The following ERC1 variants were observed in gnomAD, a reference collection of about 807,000 sequenced individuals.
ERC1 encodes the protein ELKS/RAB6-interacting/CAST family member 1.
Under a neutral mutation model 132.0 loss-of-function variants are expected in ERC1, and 56 were observed. The observed-to-expected ratio is 0.42, with a 90% CI of 0.34 to 0.53. ERC1 has a LOEUF of 0.53. Ranked by LOEUF, ERC1 falls within the 20% of genes least tolerant of loss-of-function variation. The pLI is 0.03. For synonymous variants in ERC1, 478 were observed against 476.1 expected (o/e 1.00, Z -0.05); for missense variants, 1,202 against 1,349.9 (o/e 0.89, Z 1.72).
intron 1 of ERC1, among the ~76,000 whole-genome samples, chr12:1,025,607 T>C (rs919958384): frequency 6.6e-6 from 1 of 152,196 alleles, no homozygotes. Context: ...TTAAAAAATT[T>C]ATATCTTTAA....
chr12:1,480,565 C>T (rs952962681), intron 18 of ERC1, among the ~76,000 whole-genome samples: 3 of 152,054 alleles, frequency 2.0e-5, no homozygotes, highest in Admixed American at 1.3e-4. Context: ...GTAGTCTTAA[C>T]AAGGCAATAA....
chr12:1,334,917 T>C (rs1160614134), intron 15 of ERC1, among the ~76,000 whole-genome samples: 1 of 152,242 alleles, frequency 6.6e-6, no homozygotes, highest in South Asian at 2.1e-4. Context: ...AGCAGTGTTT[T>C]GTAGTTCTTC....
intron 3 of ERC1, among the ~76,000 whole-genome samples, chr12:1,091,166 G>C (rs1943159539): frequency 6.6e-6 from 1 of 152,180 alleles, no homozygotes; most frequent in Non-Finnish European, 1.5e-5. Context: ...TGGGATTACA[G>C]GCGTAAGCTA....
chr12:1,243,183 G>A lies in ERC1; in HGVS notation c.2487+6279G>A, dbSNP rs556011631. On this transcript the variant is annotated intron_variant, in intron 13 of 18. Transcript: ENST00000360905. ...CAGTCCGGCCTGGGCGACAGAGCGA[G>A]ACTCCGTCTCAAAAAAAAAAAAAGA... Among the ~76,000 whole-genome samples the A allele has an allele frequency of 1.4e-3, 192 of 138,046 alleles. 1 individual carries two copies. Among genetic ancestry groups the A allele is most frequent in the Non-Finnish European group, 1.6e-3 (105 of 65,828 alleles). The allele number at this position is 138,046 out of a possible 152,430, so 90.6% of individuals were successfully genotyped here.
chr12:1,423,831 C>T (rs573989611), intron 17 of ERC1, among the ~76,000 whole-genome samples: 1 of 152,214 alleles, frequency 6.6e-6, no homozygotes, highest in East Asian at 1.9e-4. Flanking sequence ...TGAAACATCC[C>T]TTTTGATTTT....
intron 2 of ERC1, among the ~76,000 whole-genome samples, chr12:1,070,734 C>G (rs1436246301): frequency 6.6e-6 from 1 of 152,156 alleles, no homozygotes; most frequent in African/African-American, 2.4e-5. Flanking sequence ...GTGAAATGCA[C>G]ACACCTTAAG....
chr12:1,188,262 T>C (rs1279519651), intron 11 of ERC1, among the ~76,000 whole-genome samples: 1 of 152,206 alleles, frequency 6.6e-6, no homozygotes, highest in African/African-American at 2.4e-5. Context: ...CTTCAATCTC[T>C]TCGCCTTTGT....
intron 18 of ERC1, among the ~76,000 whole-genome samples, chr12:1,472,975 T>G (rs1202483565): frequency 6.6e-6 from 1 of 152,126 alleles, no homozygotes; most frequent in Non-Finnish European, 1.5e-5. Context: ...TGTTAAGCAG[T>G]GGAATTTTGA....
chr12:1,490,639 A>G lies in ERC1; in HGVS notation c.*409A>G, dbSNP rs748087574. ...TCAACAGGCTGAGAGGATGCCTCCA[A>G]TGGACCAGAGAGCTGAGTGTTCTAA... is the stretch of plus-strand genomic sequence containing the variant. On this transcript the variant is annotated 3_prime_UTR_variant, in exon 19 of 19. Transcript: ENST00000360905. 9.4e-4 allele frequency: 229 copies of G among 244,678 alleles called. No homozygotes were observed. Among genetic ancestry groups the G allele is most frequent in the Non-Finnish European group, 1.5e-3 (185 of 124,866 alleles). The allele number at this position is 244,678 out of a possible 1,614,324, so 15.2% of individuals were successfully genotyped here.
intron 14 of ERC1, among the ~76,000 whole-genome samples, chr12:1,272,880 A>G (rs745507418): frequency 3.3e-4 from 49 of 149,196 alleles, no homozygotes; most frequent in Non-Finnish European, 7.4e-5. Context: ...CCCGGGCAGC[A>G]GAGGTTGCAG....
intron 17 of ERC1, among the ~76,000 whole-genome samples, chr12:1,422,175 A>C (rs572987172): frequency 2.0e-5 from 3 of 152,338 alleles, no homozygotes; most frequent in African/African-American, 7.2e-5. Context: ...TTTTGCTTCA[A>C]AGTTAAACTA....
At chr12:1,409,517 G>C (rs1321982586) in intron 17 of ERC1, among the ~76,000 whole-genome samples, 1 of 152,186 alleles carries the variant, frequency 6.6e-6, no homozygotes, top group Non-Finnish European at 1.5e-5. Flanking sequence ...CCCTGAGATA[G>C]AGATAGCATC....
chr12:1,445,789 G>A (rs1034292599), intron 18 of ERC1, among the ~76,000 whole-genome samples: 3 of 152,198 alleles, frequency 2.0e-5, no homozygotes, highest in Non-Finnish European at 4.4e-5. Context: ...CATTGCCATC[G>A]GTTATTCCAT....
At chr12:1,268,999 T>TC (rs1055480876) in intron 14 of ERC1, among the ~76,000 whole-genome samples, 2 of 152,334 alleles carry the variant, frequency 1.3e-5, no homozygotes, top group African/African-American at 4.8e-5. Flanking sequence ...TGAAGCATGT[T>TC]CAAGCTTATG....
chr12:1,474,596 C>T (rs961110351), intron 18 of ERC1, among the ~76,000 whole-genome samples: 11 of 152,248 alleles, frequency 7.2e-5, no homozygotes, highest in East Asian at 1.9e-4. Flanking sequence ...TTGTGCTGAG[C>T]GGTAAATGTT....
intron 3 of ERC1, among the ~76,000 whole-genome samples, 197 bp from the exon 4 acceptor site, chr12:1,104,553 C>T (rs1945039314): frequency 6.6e-6 from 1 of 152,168 alleles, no homozygotes; most frequent in South Asian, 2.1e-4. Flanking sequence ...TAGGGATCCT[C>T]CTATGCCTGC....
chr12:1,071,955 G>A (rs1283079531), intron 2 of ERC1, among the ~76,000 whole-genome samples: 1 of 152,094 alleles, frequency 6.6e-6, no homozygotes, highest in African/African-American at 2.4e-5. Flanking sequence ...ACAAAAACTA[G>A]CTAGGCTTGG....
intron 15 of ERC1, among the ~76,000 whole-genome samples, chr12:1,366,735 C>A (rs1292929831): frequency 6.6e-6 from 1 of 152,104 alleles, no homozygotes; most frequent in African/African-American, 2.4e-5. Context: ...GTGGGAGTGA[C>A]GTGCACAGAC....
chr12:1,135,840 A>G (rs1324993996), intron 7 of ERC1, among the ~76,000 whole-genome samples: 1 of 152,176 alleles, frequency 6.6e-6, no homozygotes, highest in East Asian at 1.9e-4. Context: ...AAATAAATCT[A>G]TTGTTTAAAG....
Sources: allele counts gnomAD v4.1 joint callset (sites outside exome capture counted in the v4.1 genomes callset), GRCh38; gene constraint gnomAD v4.1.1; transcripts MANE v1.5; gene names NCBI Gene and HGNC (gene_info 2026-07-23, HGNC 2026-07-21).